The following BTRC variants were observed in gnomAD, a reference collection of about 807,000 sequenced individuals.
The protein encoded by BTRC is beta-transducin repeat containing E3 ubiquitin protein ligase, also known as F-box/WD repeat-containing protein 1A.
Under a neutral mutation model 85.5 loss-of-function variants are expected in BTRC, and 42 were observed. The observed-to-expected ratio is 0.49, with a 90% CI of 0.38 to 0.64. BTRC has a LOEUF of 0.64. Among genes scored for constraint, BTRC ranks in the 30% least tolerant of loss-of-function variants. The pLI is 0.00. For missense variants in BTRC, 594 were observed against 743.5 expected (o/e 0.80, Z 2.34); for synonymous variants, 255 against 263.3 (o/e 0.97, Z 0.30).
chr10:101,375,710 T>C (rs952949949), intron 1 of BTRC, among the ~76,000 whole-genome samples: 5 of 152,338 alleles, frequency 3.3e-5, no homozygotes, highest in South Asian at 2.1e-4. Flanking sequence ...TTAGTGTCTA[T>C]TGTAATAGTT....
intron 1 of BTRC, among the ~76,000 whole-genome samples, chr10:101,380,502 C>T (rs1282005192): frequency 6.6e-6 from 1 of 152,098 alleles, no homozygotes; most frequent in Admixed American, 6.6e-5. Flanking sequence ...CAGAGGTACT[C>T]CTCACTTCCC....
intron 4 of BTRC, among the ~76,000 whole-genome samples, chr10:101,520,828 G>A (rs2062093887): frequency 6.6e-6 from 1 of 152,068 alleles, no homozygotes; most frequent in Admixed American, 6.6e-5. Flanking sequence ...CGTGGTGGTG[G>A]GCACCTGTAG....
chr10:101,404,977 A>T (rs535647111), intron 1 of BTRC, among the ~76,000 whole-genome samples: 1 of 146,016 alleles, frequency 6.8e-6, no homozygotes, highest in Admixed American at 7.0e-5. Flanking sequence ...CAGCCTGGGT[A>T]ACAGAGCTAG....
intron 8 of BTRC, 47 bp from the exon 9 acceptor site, chr10:101,532,905 G>T: frequency 7.0e-7 from 1 of 1,424,890 alleles, no homozygotes; most frequent in Non-Finnish European, 9.9e-7. Flanking sequence ...AGTCTCCACA[G>T]CACCCCATCA....
intron 1 of BTRC, among the ~76,000 whole-genome samples, chr10:101,410,341 G>A (rs1285247675): frequency 6.6e-6 from 1 of 152,158 alleles, no homozygotes; most frequent in Non-Finnish European, 1.5e-5. Flanking sequence ...CCCTGGCTGC[G>A]CAGGGTGGCT....
At chr10:101,542,149 T>C (rs1372299970) in intron 13 of BTRC, among the ~76,000 whole-genome samples, 1 of 152,224 alleles carries the variant, frequency 6.6e-6, no homozygotes, top group Non-Finnish European at 1.5e-5. Flanking sequence ...TTAATACTTT[T>C]GTCTTCCAAG....
intron 3 of BTRC, among the ~76,000 whole-genome samples, chr10:101,473,391 C>T (rs1249329735): frequency 1.3e-5 from 2 of 151,478 alleles, no homozygotes; most frequent in Non-Finnish European, 1.5e-5. Flanking sequence ...CTCAAGCAAC[C>T]GCCCACCCCA....
chr10:101,365,066 A>C (rs1399465884), intron 1 of BTRC: 1 of 151,660 alleles, frequency 6.6e-6, no homozygotes, highest in Non-Finnish European at 1.5e-5. Context: ...TCTTTTTAAA[A>C]TTTTTTTATT....
chr10:101,539,860 A>G (rs953815041), intron 13 of BTRC, among the ~76,000 whole-genome samples: 1 of 152,204 alleles, frequency 6.6e-6, no homozygotes, highest in Admixed American at 6.5e-5. Flanking sequence ...TAATTTAGTC[A>G]TTCTCATTGT....
intron 2 of BTRC, 43 bp downstream of exon 2, chr10:101,430,495 A>T (rs1944374311): frequency 2.0e-6 from 3 of 1,500,004 alleles, no homozygotes; most frequent in Admixed American, 3.4e-5. Context: ...GCATTAGTGT[A>T]TGTGTCTAAT....
chr10:101,437,016 C>T (rs1400445917), intron 2 of BTRC, among the ~76,000 whole-genome samples: 1 of 151,984 alleles, frequency 6.6e-6, no homozygotes, highest in African/African-American at 2.4e-5. Flanking sequence ...AAAACAATAC[C>T]ATAAGGAAAA....
chr10:101,521,543 G>A (rs1301169007), intron 4 of BTRC, 96 bp from the exon 5 acceptor site: 4 of 862,430 alleles, frequency 4.6e-6, no homozygotes, highest in Non-Finnish European at 5.4e-6. Flanking sequence ...GCTCAATCAT[G>A]TAGACATAAT....
At chr10:101,413,808 A>G (rs986915114) in intron 1 of BTRC, among the ~76,000 whole-genome samples, 1 of 152,244 alleles carries the variant, frequency 6.6e-6, no homozygotes, top group South Asian at 2.1e-4. Flanking sequence ...CTTAATTTCA[A>G]CTTTCGTGTT....
At chr10:101,550,934 G>A (rs565246249) in intron 14 of BTRC, 43 bp downstream of exon 14, 104 of 1,492,258 alleles carry the variant, frequency 7.0e-5, no homozygotes, top group African/African-American at 2.8e-4. Flanking sequence ...GGTAGGAGAC[G>A]GGATATTAGC....
chr10:101,550,899 A>T lies in BTRC; in HGVS notation c.*31+8A>T, dbSNP rs749657472. On this transcript the variant is annotated splice_region_variant and intron_variant, in intron 14 of 14. Coordinates refer to ENST00000370187, the MANE Select transcript of BTRC (RefSeq NM_033637.4). ...GACCTCATACTTGCCCAGGTATCGA[A>T]ATCGATTATGTACATAACACTGTGG... 1 of 1,589,718 alleles carries T rather than the reference A, an allele frequency of 6.3e-7. No individual in the cohort carries two copies. Among genetic ancestry groups the T allele is most frequent in the Non-Finnish European group, 8.6e-7 (1 of 1,160,540 alleles).
At position 101,430,349 on chromosome 10, in the gene BTRC, C is replaced by G. The variant is rs1195373543; in HGVS notation, c.53C>G (p.Ser18Cys). 6.2e-7 allele frequency: 1 copy of G among 1,613,252 alleles called. No individual in the cohort carries two copies. The highest frequency in any genetic ancestry group is 8.5e-7 in the Non-Finnish European group (1 of 1,179,404). Residue 18 changes from serine to cysteine, a missense_variant, in exon 2 of 15, where the codon TCT becomes TGT. Around this residue, in one of 4 missense-constraint regions of BTRC, gnomAD observed 163 missense variants for 180.5 expected, o/e 0.90. Coordinates refer to ENST00000370187, the MANE Select transcript of BTRC (RefSeq NM_033637.4). ...ATAGTTGTCCTCTCTCTGCAGTGCT[C>G]TATGCCCAGGTCTCTGTGGCTGGGC... ...LQEKALKFMCSMPRSLWLGCS... is the reference protein window; with the variant it reads ...LQEKALKFMCCMPRSLWLGCS...
chr10:101,406,524 CTTTTTTT>C (rs58902120), intron 1 of BTRC, among the ~76,000 whole-genome samples: 10 of 50,424 alleles, frequency 2.0e-4, no homozygotes, highest in African/African-American at 3.9e-4. Flanking sequence ...TCTCAGGTTT[CTTTTTTT>C]TTTTTTTTTT....
Position 101,406,934 on chromosome 10 carries a change from AATCATCTGTCCTG to A in BTRC, c.49-23385_49-23373del, listed in dbSNP as rs199507010. ...AGATAATTGTGTCGGTTTTTAAATT[AATCATCTGTCCTG>A]ATCATCTGTCCTGATCATCTGTCCT... On this transcript the variant is annotated intron_variant, in intron 1 of 14. Transcript: ENST00000370187. Among the ~76,000 whole-genome samples, 646 of 152,330 alleles carry A rather than the reference AATCATCTGTCCTG, an allele frequency of 4.2e-3. 5 individuals are homozygous for A. Among genetic ancestry groups the A allele is most frequent in the East Asian group, 0.036 (185 of 5,192 alleles).
At chr10:101,502,216 T>A (rs1284164294) in intron 4 of BTRC, among the ~76,000 whole-genome samples, 1 of 152,192 alleles carries the variant, frequency 6.6e-6, no homozygotes, top group African/African-American at 2.4e-5. Context: ...CAAAATATAC[T>A]CTGTGCCCTA....
Sources: allele counts gnomAD v4.1 joint callset (sites outside exome capture counted in the v4.1 genomes callset), GRCh38; gene constraint gnomAD v4.1.1; regional missense constraint gnomAD v4.1.1; transcripts MANE v1.5; gene names NCBI Gene and HGNC (gene_info 2026-07-23, HGNC 2026-07-21).